TGM5: variants seen among roughly 807,000 people sequenced by gnomAD.
TGM5 encodes the protein protein-glutamine gamma-glutamyltransferase 5.
Under a neutral mutation model 77.2 loss-of-function variants are expected in TGM5, and 69 were observed. The ratio of observed to expected loss-of-function variants is 0.89; its 90% CI spans 0.74 to 1.09. TGM5 has a LOEUF of 1.09. TGM5 is among the 50% of genes least tolerant of loss of function. TGM5 has a pLI of 0.00. For missense variants in TGM5, 842 were observed against 896.5 expected (o/e 0.94, Z 0.78); for synonymous variants, 346 against 351.8 (o/e 0.98, Z 0.18).
chr15:43,265,240 G>T (rs1352432922), intron 1 of TGM5, among the ~76,000 whole-genome samples: 2 of 152,206 alleles, frequency 1.3e-5, no homozygotes, highest in Non-Finnish European at 2.9e-5. Flanking sequence ...GCCCAGTCCA[G>T]TGCTCTTCCC....
At chr15:43,250,600 G>A (rs373704344) in intron 6 of TGM5, among the ~76,000 whole-genome samples, 1 of 152,126 alleles carries the variant, frequency 6.6e-6, no homozygotes, top group Admixed American at 6.5e-5. Context: ...ACATGCTTTG[G>A]GAACTGTTTG....
At chr15:43,243,054 A>G (rs945289962) in intron 6 of TGM5, among the ~76,000 whole-genome samples, 13 of 151,956 alleles carry the variant, frequency 8.6e-5, no homozygotes, top group Non-Finnish European at 1.8e-4. Flanking sequence ...AGTGGTGTCA[A>G]CTCCTGCTAA....
At chr15:43,256,169 G>A (rs2042740854) in intron 4 of TGM5, among the ~76,000 whole-genome samples, 1 of 152,150 alleles carries the variant, frequency 6.6e-6, no homozygotes, top group Non-Finnish European at 1.5e-5. Context: ...TGATGCTAGG[G>A]GTCAGTCACC....
chr15:43,260,468 A>G lies in TGM5; in HGVS notation c.122T>C (p.Leu41Pro), dbSNP rs143601447. 14 of 1,614,042 alleles carry G rather than the reference A, an allele frequency of 8.7e-6. No individual in the cohort carries two copies. The highest frequency in any genetic ancestry group is 5.9e-6 in the Non-Finnish European group (7 of 1,180,040). ...LLVRRGQAFN[L>P]TLYFRNRSFQ... The stretch of plus-strand genomic sequence containing the variant: ...GCTCCGGTTCCTGAAGTACAGGGTG[A>G]GGTTGAAGGCCTGGCCCCGGCGAAC... Residue 41 changes from leucine to proline, a missense_variant, in exon 2 of 13, where the codon CTC becomes CCC. Physicochemically the swap from Leu to Pro is moderately conservative, Grantham distance 98 (BLOSUM62 -3). Around this residue, in one of 2 missense-constraint regions of TGM5, gnomAD observed 815 missense variants for 844.6 expected, o/e 0.96. Coordinates refer to ENST00000220420, the MANE Select transcript of TGM5 (RefSeq NM_201631.4).
chr15:43,252,555 A>T (rs2042711795), intron 6 of TGM5, among the ~76,000 whole-genome samples: 1 of 152,042 alleles, frequency 6.6e-6, no homozygotes, highest in South Asian at 2.1e-4. Flanking sequence ...TGACCTTGGG[A>T]TCCACCCACC....
At chr15:43,257,548 G>A (rs2042751252) in intron 3 of TGM5, among the ~76,000 whole-genome samples, 1 of 152,196 alleles carries the variant, frequency 6.6e-6, no homozygotes, top group Non-Finnish European at 1.5e-5. Context: ...TGGAGGGTGG[G>A]AGGAAGGTAA....
At chr15:43,234,452 G>A (rs956427583) in intron 11 of TGM5, among the ~76,000 whole-genome samples, 2 of 152,164 alleles carry the variant, frequency 1.3e-5, no homozygotes, top group African/African-American at 4.8e-5. Flanking sequence ...GCTCTCCCCC[G>A]ACCAGAGACC....
Position 43,238,831 on chromosome 15 carries a change from T to C in TGM5, c.1331A>G (p.Tyr444Cys), listed in dbSNP as rs764209843. The C allele has an allele frequency of 5.0e-6, 8 of 1,614,026 alleles. No homozygotes were observed. The African/African-American group carries it at 5.3e-5, about 11-fold the overall frequency. ...SDERDDITEN[Y>C]KYEEGSLQER... ...TGCTTACTTACCTTCTTCATACTTG[T>C]AGTTCTCTGTGATGTCATCCCGCTC... The change falls in exon 9 of 13, where the codon TAC (tyrosine) becomes TGC (cysteine). Residue 444 changes from tyrosine to cysteine, a missense_variant. By Grantham distance (194) the Tyr-to-Cys change is radical. This residue lies in a region of TGM5 where 815 missense variants were observed against 844.6 expected (regional missense o/e 0.96). Coordinates refer to ENST00000220420, the MANE Select transcript of TGM5 (RefSeq NM_201631.4).
chr15:43,258,231 TA>T (rs893795397), intron 3 of TGM5, among the ~76,000 whole-genome samples: 2 of 131,636 alleles, frequency 1.5e-5, no homozygotes, highest in African/African-American at 5.7e-5. Context: ...CGTATAATAA[TA>T]AAAAAAAGAA....
At chr15:43,239,515 CAA>C (rs113369172) in intron 7 of TGM5, 1,866 of 399,986 alleles carry the variant, frequency 4.7e-3, no homozygotes, top group Middle Eastern at 6.9e-3. Context: ...GATCTCGTCT[CAA>C]AAAAAAAAAA....
intron 1 of TGM5, among the ~76,000 whole-genome samples, chr15:43,266,055 G>A (rs1324968105): frequency 6.6e-6 from 1 of 152,220 alleles, no homozygotes; most frequent in Non-Finnish European, 1.5e-5. Context: ...ACAGGTAACA[G>A]TGTTTACTCT....
chr15:43,260,523 T>C lies in TGM5; in HGVS notation c.67A>G (p.Thr23Ala). ...AGGTGGTCCACAGTGATCTCCTCCG[T>C]GTGGTGCCGCACATTATTTCTGGAG... ...QSSRNNVRHH[T>A]EEITVDHLLV... Residue 23 changes from threonine to alanine, a missense_variant, in exon 2 of 13, where the codon ACG becomes GCG. Around this residue, in one of 2 missense-constraint regions of TGM5, gnomAD observed 815 missense variants for 844.6 expected, o/e 0.96. Transcript: ENST00000220420. The C allele has an allele frequency of 1.2e-6, 2 of 1,614,126 alleles. No homozygotes were observed. Among genetic ancestry groups the C allele is most frequent in the African/African-American group, 1.3e-5 (1 of 75,014 alleles).
chr15:43,235,355 G>A, intron 10 of TGM5, 114 bp downstream of exon 10: 2 of 1,422,872 alleles, frequency 1.4e-6, no homozygotes, highest in Non-Finnish European at 2.0e-6. Context: ...TGCCAGAGGG[G>A]ACAGTAGAAA....
chr15:43,264,640 T>C (rs748528369), intron 1 of TGM5, among the ~76,000 whole-genome samples: 16 of 152,150 alleles, frequency 1.1e-4, no homozygotes, highest in Non-Finnish European at 1.9e-4. Flanking sequence ...TGACTGCCAA[T>C]GTGTATGGGA....
chr15:43,248,717 T>G (rs909067548), intron 6 of TGM5, among the ~76,000 whole-genome samples: 1 of 152,200 alleles, frequency 6.6e-6, no homozygotes, highest in Non-Finnish European at 1.5e-5. Context: ...ACAAAAGAGT[T>G]TGAACTGGGA....
At chr15:43,264,887 A>T (rs1023302248) in intron 1 of TGM5, among the ~76,000 whole-genome samples, 3 of 152,242 alleles carry the variant, frequency 2.0e-5, no homozygotes, top group Non-Finnish European at 2.9e-5. Context: ...TGATTACTTT[A>T]ACACACATCT....
rs1281315637 is a variant in TGM5 at position 43,233,705 on chromosome 15, G to A, written c.1876-18C>T. 1.2e-6 allele frequency: 2 copies of A among 1,613,614 alleles called. No individual in the cohort carries two copies. Among genetic ancestry groups the A allele is most frequent in the African/African-American group, 2.7e-5 (2 of 74,880 alleles). ...CCTAGAACCTAAACAGACCAGGAGG[G>A]GAAGGAGAATTAGTTCTCATTCCCC... On this transcript the variant is annotated intron_variant, in intron 11 of 12. Transcript: ENST00000220420.
In TGM5 at chr15:43,233,700, G is replaced by A. The variant is rs760495248; in HGVS notation, c.1876-13C>T. On this transcript the variant is annotated splice_polypyrimidine_tract_variant and intron_variant, in intron 11 of 12. Transcript: ENST00000220420. Reference sequence around the variant, plus strand: ...CTGCTCCTAGAACCTAAACAGACCAGGAGGGGAAGGAGAATTAGTTCTCAT... The same window carrying A: ...CTGCTCCTAGAACCTAAACAGACCAAGAGGGGAAGGAGAATTAGTTCTCAT... 1 of 1,613,864 alleles carries A rather than the reference G, an allele frequency of 6.2e-7. No individual in the cohort carries two copies. The highest frequency in any genetic ancestry group is 1.1e-5 in the South Asian group (1 of 91,032).
At chr15:43,241,413 A>G (rs1270699769) in intron 6 of TGM5, among the ~76,000 whole-genome samples, 1 of 152,202 alleles carries the variant, frequency 6.6e-6, no homozygotes, top group Admixed American at 6.5e-5. Flanking sequence ...TCAGACCATC[A>G]GATTCTCAAG....
Sources: gnomAD v4.1 joint callset for allele counts (sites outside exome capture counted in the v4.1 genomes callset) on GRCh38, gnomAD v4.1.1 for gene constraint, gnomAD v4.1.1 regional missense constraint, MANE v1.5 for transcripts, NCBI Gene and HGNC (gene_info 2026-07-23, HGNC 2026-07-21) for gene names.